The following ZNRF3 variants were observed in gnomAD, a reference collection of about 807,000 sequenced individuals.
The protein encoded by ZNRF3 is zinc and ring finger 3, also known as E3 ubiquitin-protein ligase ZNRF3.
In ZNRF3, 23 loss-of-function variants were observed where a neutral mutation model predicts 72.5. The ratio of observed to expected loss-of-function variants is 0.32; its 90% CI spans 0.23 to 0.45. ZNRF3 has a LOEUF of 0.45. Among genes scored for constraint, ZNRF3 ranks in the 20% least tolerant of loss-of-function variants. The pLI is 1.00. For missense variants in ZNRF3, 1,169 were observed against 1,272.1 expected, an observed-to-expected ratio of 0.92 and a Z score of 1.23; for synonymous variants, 610 against 545.3, an observed-to-expected ratio of 1.12 and a Z score of -1.65.
intron 1 of ZNRF3, among the ~76,000 whole-genome samples, chr22:28,945,708 T>A (rs564479085): frequency 6.6e-6 from 1 of 152,104 alleles, no homozygotes; most frequent in East Asian, 1.9e-4. Flanking sequence ...TTTTGTACTT[T>A]TAGTAGAGAC....
chr22:28,892,192 C>G (rs1318874321), intron 1 of ZNRF3, among the ~76,000 whole-genome samples: 1 of 152,222 alleles, frequency 6.6e-6, no homozygotes, highest in Non-Finnish European at 1.5e-5. Flanking sequence ...GGCAAACATT[C>G]AGTGGTGCCC....
chr22:28,969,925 C>T (rs1375005938), intron 1 of ZNRF3, among the ~76,000 whole-genome samples: 2 of 151,864 alleles, frequency 1.3e-5, no homozygotes, highest in East Asian at 1.9e-4. Context: ...TAGGTAAAGT[C>T]GGCAGAATTT....
rs376987824 is a variant in ZNRF3 at position 28,946,918 on chromosome 22, C to T, written c.301-40158C>T. Reference sequence around the variant, plus strand: ...AGGCCTTACGCTTCCTCAGCCTTCACTGTCAACAATTGCTTGGGAAACCTG... The same window carrying T: ...AGGCCTTACGCTTCCTCAGCCTTCATTGTCAACAATTGCTTGGGAAACCTG... On this transcript the variant is annotated intron_variant, in intron 1 of 8. Coordinates refer to ENST00000544604, the MANE Select transcript of ZNRF3 (RefSeq NM_001206998.2). Among the ~76,000 whole-genome samples the T allele has an allele frequency of 7.2e-5, 11 of 152,240 alleles. No homozygotes were observed. The East Asian group carries it at 2.1e-3, about 29-fold the overall frequency.
chr22:29,001,481 T>TC (rs61540650), intron 2 of ZNRF3, among the ~76,000 whole-genome samples: 2,842 of 149,428 alleles, frequency 0.019, 101 homozygotes, highest in African/African-American at 0.066. Context: ...ACTTTTTTTT[T>TC]TTTTTTTTGA....
intron 1 of ZNRF3, among the ~76,000 whole-genome samples, chr22:28,937,045 A>G (rs1234458405): frequency 6.6e-6 from 1 of 151,832 alleles, no homozygotes; most frequent in Admixed American, 6.6e-5. Context: ...AAATTGTGCA[A>G]ATGAGTCTCT....
intron 1 of ZNRF3, among the ~76,000 whole-genome samples, chr22:28,971,808 G>A (rs1038166658): frequency 3.3e-5 from 5 of 152,162 alleles, no homozygotes; most frequent in Non-Finnish European, 4.4e-5. Flanking sequence ...CTGGGCATAA[G>A]CAATCCTCCC....
intron 2 of ZNRF3, among the ~76,000 whole-genome samples, chr22:29,021,490 CTTTT>C (rs5844830): frequency 6.9e-6 from 1 of 144,212 alleles, no homozygotes. Flanking sequence ...TTGTTTTAAT[CTTTT>C]TTTTTTTTTT....
intron 1 of ZNRF3, among the ~76,000 whole-genome samples, chr22:28,890,813 A>G (rs1314055786): frequency 6.6e-6 from 1 of 151,470 alleles, no homozygotes; most frequent in Non-Finnish European, 1.5e-5. Context: ...GCTAGAGCAC[A>G]GTGGTAAGAT....
intron 1 of ZNRF3, among the ~76,000 whole-genome samples, chr22:28,938,864 C>T (rs183075454): frequency 2.0e-5 from 3 of 152,254 alleles, no homozygotes; most frequent in African/African-American, 4.8e-5. Flanking sequence ...TGCTTGGAAC[C>T]ATGGCAGAAC....
At chr22:28,977,592 T>G (rs959208832) in intron 1 of ZNRF3, among the ~76,000 whole-genome samples, 14 of 152,186 alleles carry the variant, frequency 9.2e-5, no homozygotes, top group African/African-American at 3.4e-4. Flanking sequence ...TGGCCGACAG[T>G]GGCAAAAGAA....
intron 1 of ZNRF3, among the ~76,000 whole-genome samples, chr22:28,895,268 G>A (rs1254517959): frequency 6.6e-6 from 1 of 152,210 alleles, no homozygotes; most frequent in African/African-American, 2.4e-5. Context: ...AGGTGTTGAA[G>A]GCTGAAGTCT....
intron 1 of ZNRF3, among the ~76,000 whole-genome samples, chr22:28,889,810 ATAGTTCCGTT>A (rs2033853326): frequency 6.6e-6 from 1 of 152,346 alleles, no homozygotes; most frequent in South Asian, 2.1e-4. Flanking sequence ...AAAGCAGAGT[ATAGTTCCGTT>A]TCATAGTTCA....
Position 29,044,851 on chromosome 22 carries a change from C to T in ZNRF3, c.705C>T (p.Ile235=). The change falls in exon 5 of 9, where the codon ATC becomes ATT. Residue 235 remains isoleucine (I), a synonymous_variant. Transcript: ENST00000544604. ...TCGTGGTCTCCTTGGTCTGCCTCAT[C>T]CTCCTTGTCAAAATCAAGCTGAAGC... ...FFVVVSLVCL[I]LLVKIKLKQR... 6.2e-7 allele frequency: 1 copy of T among 1,614,090 alleles called. No individual in the cohort carries two copies. The highest frequency in any genetic ancestry group is 8.5e-7 in the Non-Finnish European group (1 of 1,180,022).
At chr22:28,944,330 C>T (rs1012703875) in intron 1 of ZNRF3, among the ~76,000 whole-genome samples, 11 of 150,078 alleles carry the variant, frequency 7.3e-5, no homozygotes, top group African/African-American at 1.2e-4. Flanking sequence ...ATTATATAAA[C>T]TTACTACTTT....
chr22:28,968,490 A>C (rs2035514230), intron 1 of ZNRF3, among the ~76,000 whole-genome samples: 1 of 152,034 alleles, frequency 6.6e-6, no homozygotes, highest in Non-Finnish European at 1.5e-5. Context: ...CGGGTGGATC[A>C]CCTGAGGTTA....
intron 1 of ZNRF3, among the ~76,000 whole-genome samples, chr22:28,900,257 A>G (rs992205838): frequency 6.6e-6 from 1 of 152,052 alleles, no homozygotes. Flanking sequence ...GCTCCTCCCT[A>G]TTGTATATAA....
At chr22:28,893,299 A>G (rs953706907) in intron 1 of ZNRF3, among the ~76,000 whole-genome samples, 5 of 152,214 alleles carry the variant, frequency 3.3e-5, no homozygotes, top group Admixed American at 1.3e-4. Flanking sequence ...TGGCTTTGCT[A>G]TCTTGTCAGC....
At chr22:28,999,163 C>CAAAA (rs10601140) in intron 2 of ZNRF3, among the ~76,000 whole-genome samples, 1,124 of 63,380 alleles carry the variant, frequency 0.018, 18 homozygotes, top group African/African-American at 0.046. Flanking sequence ...AATAAAAATA[C>CAAAA]AAAAAAAAAA....
chr22:29,032,643 T>G (rs146296801), intron 2 of ZNRF3, among the ~76,000 whole-genome samples: 14 of 152,184 alleles, frequency 9.2e-5, no homozygotes, highest in Admixed American at 2.0e-4. Flanking sequence ...TGGCCTAGAG[T>G]GAGCTGCAAT....
Sources: gnomAD v4.1 joint callset for allele counts (sites outside exome capture counted in the v4.1 genomes callset) on GRCh38, gnomAD v4.1.1 for gene constraint, MANE v1.5 for transcripts, NCBI Gene and HGNC (gene_info 2026-07-23, HGNC 2026-07-21) for gene names.